CSMD3: variants seen among roughly 807,000 people sequenced by gnomAD.
CSMD3 encodes the protein CUB and Sushi multiple domains 3, also known as CUB and sushi domain-containing protein 3.
CSMD3 carries 177 observed loss-of-function variants against 435.2 expected under a neutral mutation model. The ratio of observed to expected loss-of-function variants is 0.41; its 90% CI spans 0.36 to 0.46. The LOEUF (loss-of-function observed/expected upper bound fraction) is 0.46. Among genes scored for constraint, CSMD3 ranks in the 20% least tolerant of loss-of-function variants. The pLI, the probability that CSMD3 is intolerant of heterozygous loss-of-function variation, is 0.34. For synonymous variants in CSMD3, 1,656 were observed against 1,520.5 expected (o/e 1.09, Z -2.07); for missense variants, 4,265 against 4,504.6 (o/e 0.95, Z 1.52).
chr8:112,905,198 A>G (rs2082223144), intron 10 of CSMD3, among the ~76,000 whole-genome samples: 1 of 151,212 alleles, frequency 6.6e-6, no homozygotes, highest in Non-Finnish European at 1.5e-5. Flanking sequence ...TTTAGTTTCA[A>G]TTACCTCTAT....
In CSMD3 at chr8:112,292,578, T is replaced by G; in HGVS notation, c.8747A>C (p.Gln2916Pro). Residue 2916 changes from glutamine (Q) to proline (P), a missense_variant, in exon 55 of 71, where the codon CAG (glutamine) becomes CCG (proline). This residue lies in a region of CSMD3 where 3,255 missense variants were observed against 3,380.2 expected (regional missense o/e 0.96). Coordinates refer to ENST00000297405, the MANE Select transcript of CSMD3 (RefSeq NM_198123.2). ...LMQGPTKAQC[Q>P]ANRQWSHPPP... ...AGGATGGCTCCACTGTCTGTTGGCC[T>G]GGCACTGTGCCTTTGTTGGCCCTTG... 1 of 1,613,926 alleles carries G rather than the reference T, an allele frequency of 6.2e-7. No homozygotes were observed. The highest frequency in any genetic ancestry group is 2.2e-5 in the East Asian group (1 of 44,858).
At chr8:113,224,414 T>A (rs1294973030) in intron 3 of CSMD3, among the ~76,000 whole-genome samples, 4 of 151,288 alleles carry the variant, frequency 2.6e-5, no homozygotes, top group Non-Finnish European at 4.4e-5. Flanking sequence ...AATTATATAA[T>A]GAATTACTAT....
chr8:112,245,967 T>C (rs1476325810), intron 64 of CSMD3, among the ~76,000 whole-genome samples: 1 of 152,188 alleles, frequency 6.6e-6, no homozygotes, highest in African/African-American at 2.4e-5. Flanking sequence ...TTAGAAACTT[T>C]GAGATGCTTC....
chr8:112,949,673 C>A (rs543626151), intron 8 of CSMD3, among the ~76,000 whole-genome samples: 4 of 152,160 alleles, frequency 2.6e-5, no homozygotes, highest in Middle Eastern at 3.4e-3. Context: ...TTTTCATCCA[C>A]CTACAATACA....
intron 13 of CSMD3, among the ~76,000 whole-genome samples, chr8:112,732,533 C>A (rs781052012): frequency 1.3e-5 from 2 of 151,624 alleles, no homozygotes; most frequent in Non-Finnish European, 2.9e-5. Flanking sequence ...GAGTTTGACA[C>A]CAACCTGGCC....
chr8:112,315,237 TTAATA>T (rs1412618217), intron 47 of CSMD3, among the ~76,000 whole-genome samples: 17 of 151,964 alleles, frequency 1.1e-4, no homozygotes, highest in African/African-American at 1.4e-4. Context: ...TACCTCTGCT[TTAATA>T]TAATATATGT....
chr8:113,219,235 C>T (rs2092940244), intron 3 of CSMD3, among the ~76,000 whole-genome samples: 1 of 151,104 alleles, frequency 6.6e-6, no homozygotes, highest in South Asian at 2.1e-4. Context: ...CCAGTCAATT[C>T]AATCAGGAAA....
At chr8:112,335,575 C>G in intron 44 of CSMD3, 101 bp from the exon 45 acceptor site, 1 of 1,028,126 alleles carries the variant, frequency 9.7e-7, no homozygotes, top group Non-Finnish European at 1.5e-6. Flanking sequence ...TATATTCTAA[C>G]GTATCAATAA....
At chr8:113,189,941 ATCTT>A (rs1275479197) in intron 3 of CSMD3, among the ~76,000 whole-genome samples, 2 of 151,790 alleles carry the variant, frequency 1.3e-5, no homozygotes, top group African/African-American at 4.8e-5. Flanking sequence ...ACATAATTAA[ATCTT>A]TATTTTAGCC....
chr8:112,910,896 A>C (rs2082393517), intron 10 of CSMD3, among the ~76,000 whole-genome samples: 2 of 151,842 alleles, frequency 1.3e-5, no homozygotes, highest in Admixed American at 6.6e-5. Flanking sequence ...TGTTGAATTT[A>C]ATTTATTTTC....
At chr8:112,613,529 T>A (rs1833430156) in intron 22 of CSMD3, among the ~76,000 whole-genome samples, 1 of 152,148 alleles carries the variant, frequency 6.6e-6, no homozygotes, top group Non-Finnish European at 1.5e-5. Flanking sequence ...TGAACCAAAT[T>A]GGTTGTAAAC....
At chr8:112,454,498 C>T (rs1188071853) in intron 32 of CSMD3, among the ~76,000 whole-genome samples, 8 of 152,076 alleles carry the variant, frequency 5.3e-5, no homozygotes, top group Non-Finnish European at 8.8e-5. Context: ...ATGCTCAACA[C>T]CACTAGTCAT....
At chr8:112,405,842 G>T (rs1018090331) in intron 35 of CSMD3, among the ~76,000 whole-genome samples, 4 of 151,706 alleles carry the variant, frequency 2.6e-5, no homozygotes, top group Admixed American at 6.6e-5. Context: ...TTTACATATT[G>T]GCCCAGAAAT....
chr8:113,177,790 ATATTT>A (rs1276907278), intron 3 of CSMD3, among the ~76,000 whole-genome samples: 1 of 151,992 alleles, frequency 6.6e-6, no homozygotes, highest in East Asian at 1.9e-4. Context: ...GGAAATATGT[ATATTT>A]TATTTATCTT....
chr8:112,885,226 T>C (rs955533025), intron 10 of CSMD3, among the ~76,000 whole-genome samples: 4 of 151,604 alleles, frequency 2.6e-5, no homozygotes, highest in African/African-American at 9.7e-5. Context: ...CTGATTAAGA[T>C]ACCAAACTGG....
intron 12 of CSMD3, among the ~76,000 whole-genome samples, chr8:112,821,116 G>A (rs1426643669): frequency 6.6e-6 from 1 of 152,144 alleles, no homozygotes; most frequent in African/African-American, 2.4e-5. Context: ...ATAAACCTAT[G>A]TGTGCATGTA....
At chr8:113,386,909 A>G (rs951072500) in intron 1 of CSMD3, among the ~76,000 whole-genome samples, 22 of 151,908 alleles carry the variant, frequency 1.4e-4, no homozygotes, top group Admixed American at 6.6e-4. Context: ...AATTTACACG[A>G]AAGAGTGGCA....
At chr8:112,959,975 C>G (rs901513640) in intron 7 of CSMD3, among the ~76,000 whole-genome samples, 9 of 151,712 alleles carry the variant, frequency 5.9e-5, no homozygotes, top group Admixed American at 5.3e-4. Context: ...CTATTCAGTT[C>G]TAAGAGATGT....
chr8:112,809,693 A>G (rs1342260453), intron 12 of CSMD3, among the ~76,000 whole-genome samples: 1 of 152,136 alleles, frequency 6.6e-6, no homozygotes, highest in African/African-American at 2.4e-5. Context: ...AGATGGGCTT[A>G]ATGTTCCAGT....
Sources: allele counts gnomAD v4.1 joint callset (sites outside exome capture counted in the v4.1 genomes callset), GRCh38; gene constraint gnomAD v4.1.1; regional missense constraint gnomAD v4.1.1; transcripts MANE v1.5; gene names NCBI Gene and HGNC (gene_info 2026-07-23, HGNC 2026-07-21).